GRIN2C: variants seen among roughly 807,000 people sequenced by gnomAD.
The protein encoded by GRIN2C is glutamate receptor ionotropic, NMDA 2C.
A neutral mutation model predicts 77.7 loss-of-function variants in GRIN2C; 64 were observed. The observed-to-expected ratio is 0.82, with a 90% CI of 0.67 to 1.01. The LOEUF (loss-of-function observed/expected upper bound fraction) is 1.01. Among genes scored for constraint, GRIN2C ranks in the 50% least tolerant of loss-of-function variants. The pLI, the probability that GRIN2C is intolerant of heterozygous loss-of-function variation, is 0.00. For synonymous variants in GRIN2C, 792 were observed against 643.4 expected (o/e 1.23, Z -3.49); for missense variants, 1,549 against 1,486.0 (o/e 1.04, Z -0.70).
chr17:74,858,348 G>A (rs1414176366), intron 1 of GRIN2C, among the ~76,000 whole-genome samples: 1 of 136,024 alleles, frequency 7.4e-6, no homozygotes, highest in African/African-American at 2.8e-5. Flanking sequence ...TGGGTTGGGG[G>A]TTGGGGGTCG....
chr17:74,844,278 T>C lies in GRIN2C; in HGVS notation c.2581A>G (p.Arg861Gly), dbSNP rs149021469. 5 of 1,613,566 alleles carry C rather than the reference T, an allele frequency of 3.1e-6. No individual in the cohort carries two copies. The African/African-American group carries it at 6.7e-5, about 22-fold the overall frequency. ...SQLDFLLAFS[R>G]GIYSCFSGVQ... ...TGTGGGGAGGGGTGGGCACCCACCC[T>C]GCTGAAAGCCAGCAGGAAGTCCAGC... Residue 861 changes from arginine (R) to glycine (G), a missense_variant and splice_region_variant, in exon 12 of 13, where the codon AGG becomes GGG. Physicochemically the swap from Arg to Gly is moderately radical, Grantham distance 125. Transcript: ENST00000293190.
Position 74,847,372 on chromosome 17 carries a change from T to G in GRIN2C, c.1937A>C (p.Asn646Thr). The G allele has an allele frequency of 6.3e-7, 1 of 1,589,634 alleles. No individual in the cohort carries two copies. The highest frequency in any genetic ancestry group is 8.6e-7 in the Non-Finnish European group (1 of 1,165,628). The change falls in exon 9 of 13, where the codon AAC becomes ACC. Residue 646 changes from asparagine to threonine, a missense_variant. By Grantham distance (65) the Asn-to-Thr change is moderately conservative (BLOSUM62 0). Around this residue, in one of 3 missense-constraint regions of GRIN2C, gnomAD observed 717 missense variants for 858.1 expected, o/e 0.84. Coordinates refer to ENST00000293190, the MANE Select transcript of GRIN2C (RefSeq NM_000835.6). The surrounding 1 kb of genome is among the most constrained non-coding windows in gnomAD (Gnocchi z 5.2). ...CTCTTGGATCATGAAGGCGGCCAGG[T>G]TGGCCGTGTAGCTGGCGAGGAAGAT... ...AVIFLASYTANLAAFMIQEQY... is the reference protein window; with the variant it reads ...AVIFLASYTATLAAFMIQEQY...
In GRIN2C at chr17:74,856,758, C is replaced by T. The variant is rs532893490; in HGVS notation, c.-15-1651G>A. ...CCTCCCAAAGTGCTGGGATTACAGG[C>T]GTCAGCCACCACACCCAGCTATCTC... is the stretch of plus-strand genomic sequence containing the variant. On this transcript the variant is annotated intron_variant, in intron 1 of 12. Transcript: ENST00000293190. 1.1e-4 allele frequency among the ~76,000 whole-genome samples: 17 copies of T among 152,244 alleles called. No homozygotes were observed. The South Asian group carries it at 3.3e-3, about 30-fold the overall frequency.
At position 74,847,281 on chromosome 17, in the gene GRIN2C, C is replaced by T. The variant is rs746721366; in HGVS notation, c.2001+27G>A. 3.6e-6 allele frequency: 4 copies of T among 1,104,940 alleles called. No homozygotes were observed. In the East Asian group the frequency reaches 7.5e-5, roughly 21 times the overall value. 68.4% of individuals were successfully genotyped at this position (1,104,940 alleles called of 1,614,324 possible). A position where few individuals can be genotyped will look rare whatever the true frequency, so the allele number is the denominator to read the frequency against. On this transcript the variant is annotated intron_variant, in intron 9 of 12. Transcript: ENST00000293190. This position sits in a 1 kb window ranked among gnomAD's most constrained non-coding sequence, Gnocchi z 5.2. ...TGTCCCCACCCTCAGTGCCCCCCCC[C>T]ACCCCCAGCAGCTATGGCCCCACAA...
Position 74,852,254 on chromosome 17 carries a change from GCCA to G in GRIN2C, c.754_756del (p.Trp252del). ...CTGCCCAGCGCCAGGTTGGGCACCA[GCCA>G]CACGTGGCCGGGCCCCACCAGACCG... On this transcript the variant is annotated inframe_deletion, in exon 3 of 13. Coordinates refer to ENST00000293190, the MANE Select transcript of GRIN2C (RefSeq NM_000835.6). 7.1e-7 allele frequency: 1 copy of G among 1,399,696 alleles called. No homozygotes were observed. The highest frequency in any genetic ancestry group is 9.2e-7 in the Non-Finnish European group (1 of 1,081,720). The allele number at this position is 1,399,696 out of a possible 1,614,324, so 86.7% of individuals were successfully genotyped here.
Position 74,842,568 on chromosome 17 carries a change from C to T in GRIN2C, c.3569G>A (p.Arg1190Lys), listed in dbSNP as rs2037318604. 1.3e-6 allele frequency: 1 copy of T among 772,996 alleles called. No homozygotes were observed. Among genetic ancestry groups the T allele is most frequent in the Non-Finnish European group, 2.4e-6 (1 of 416,466 alleles). 47.9% of individuals were successfully genotyped at this position (772,996 alleles called of 1,614,324 possible). A position where few individuals can be genotyped will look rare whatever the true frequency, so the allele number is the denominator to read the frequency against. Residue 1190 changes from arginine (R) to lysine (K), a missense_variant, in exon 13 of 13, where the codon AGG becomes AAG. Physicochemically the swap from Arg to Lys is conservative, Grantham distance 26 (BLOSUM62 2). Coordinates refer to ENST00000293190, the MANE Select transcript of GRIN2C (RefSeq NM_000835.6). ...GAWGPLGHRG[R>K]TLGLGTGYRD... is the part of the protein sequence containing the mutation. Reference sequence around the variant, plus strand: ...GTAGCCTGTGCCCAGCCCCAGAGTCCTGCCCCTGTGCCCCAGAGGCCCCCA... The same window carrying T: ...GTAGCCTGTGCCCAGCCCCAGAGTCTTGCCCCTGTGCCCCAGAGGCCCCCA...
rs762140992 is a variant in GRIN2C, at chr17:74,855,072, C to T, written c.21G>A (p.Pro7=). The stretch of plus-strand genomic sequence containing the variant: ...CGAAGAGCGAGGTGAGCAACAGGGC[C>T]GGCCCCAGGGCCCCACCCATGTCCA... MGGALG[P]ALLLTSLFGA... Residue 7 remains proline, a synonymous_variant, in exon 2 of 13, where the codon CCG becomes CCA. Transcript: ENST00000293190. 1.1e-4 allele frequency: 168 copies of T among 1,591,288 alleles called. No individual in the cohort carries two copies. Among genetic ancestry groups the T allele is most frequent in the East Asian group, 4.5e-5 (2 of 44,786 alleles).
intron 7 of GRIN2C, among the ~76,000 whole-genome samples, chr17:74,848,568 C>T (rs1253025939): frequency 6.6e-6 from 1 of 152,096 alleles, no homozygotes; most frequent in Non-Finnish European, 1.5e-5. Flanking sequence ...GGCATGGTGA[C>T]ACATGCCTGT....
chr17:74,847,045 G>A lies in GRIN2C; in HGVS notation c.2002-125C>T. ...CATAGTCAGAGCAGAAGGTCTTAAA[G>A]GCTGTCCAGGCCACTCCTGTGTTTT... is the stretch of plus-strand genomic sequence containing the variant. On this transcript the variant is annotated intron_variant, in intron 9 of 12. Coordinates refer to ENST00000293190, the MANE Select transcript of GRIN2C (RefSeq NM_000835.6). This position sits in a 1 kb window ranked among gnomAD's most constrained non-coding sequence, Gnocchi z 5.2. 1 of 1,000,478 alleles carries A rather than the reference G, an allele frequency of 1.0e-6. No homozygotes were observed. 62.0% of individuals were successfully genotyped at this position (1,000,478 alleles called of 1,614,324 possible). A position where few individuals can be genotyped will look rare whatever the true frequency, so the allele number is the denominator to read the frequency against.
At chr17:74,851,554 C>A (rs1381154795) in intron 4 of GRIN2C, 23 bp downstream of exon 4, 1 of 1,411,544 alleles carries the variant, frequency 7.1e-7, no homozygotes, top group Non-Finnish European at 9.8e-7. Context: ...CACTGAGGGC[C>A]CCTGGGCTCA....
chr17:74,844,528 A>G lies in GRIN2C; in HGVS notation c.2351-20T>C. Reference sequence around the variant, plus strand: ...TCTCTCCTGGAGTTGGGGGGTGTACACATCTGGCTCAGGAAACCCCCCTAT... The same window carrying G: ...TCTCTCCTGGAGTTGGGGGGTGTACGCATCTGGCTCAGGAAACCCCCCTAT... On this transcript the variant is annotated intron_variant, in intron 11 of 12. Transcript: ENST00000293190. The G allele has an allele frequency of 6.2e-7, 1 of 1,607,980 alleles. No homozygotes were observed. The highest frequency in any genetic ancestry group is 8.5e-7 in the Non-Finnish European group (1 of 1,175,154).
chr17:74,847,739 C>A lies in GRIN2C; in HGVS notation c.1771+113G>T. 1 of 1,095,306 alleles carries A rather than the reference C, an allele frequency of 9.1e-7. No homozygotes were observed. Among genetic ancestry groups the A allele is most frequent in the Non-Finnish European group, 1.3e-6 (1 of 743,490 alleles). The allele number at this position is 1,095,306 out of a possible 1,614,324, so 67.8% of individuals were successfully genotyped here. ...CATCTGACTGGCCCCCAGCATGTGC[C>A]ATCCAAAAGCAAGGGACCTCCCAAA... On this transcript the variant is annotated intron_variant, in intron 8 of 12. Transcript: ENST00000293190. This position sits in a 1 kb window ranked among gnomAD's most constrained non-coding sequence, Gnocchi z 5.2.
chr17:74,846,962 G>C lies in GRIN2C; in HGVS notation c.2002-42C>G, dbSNP rs1198563054. The C allele has an allele frequency of 6.3e-7, 1 of 1,576,376 alleles. No individual in the cohort carries two copies. The highest frequency in any genetic ancestry group is 8.6e-7 in the Non-Finnish European group (1 of 1,160,142). Reference sequence around the variant, plus strand: ...GCAGCCAGTCACAACCCTTCCTCCAGCCTTCCAGGCACCAAAGCCCCAAAC... The same window carrying C: ...GCAGCCAGTCACAACCCTTCCTCCACCCTTCCAGGCACCAAAGCCCCAAAC... On this transcript the variant is annotated intron_variant, in intron 9 of 12. Coordinates refer to ENST00000293190, the MANE Select transcript of GRIN2C (RefSeq NM_000835.6). This position sits in a 1 kb window ranked among gnomAD's most constrained non-coding sequence, Gnocchi z 4.4.
Position 74,849,664 on chromosome 17 carries a change from C to A in GRIN2C, c.1645+116G>T. 2 of 924,830 alleles carry A rather than the reference C, an allele frequency of 2.2e-6. No homozygotes were observed. The highest frequency in any genetic ancestry group is 2.4e-5 in the Admixed American group (1 of 41,542). The allele number at this position is 924,830 out of a possible 1,614,324, so 57.3% of individuals were successfully genotyped here. A position where few individuals can be genotyped will look rare whatever the true frequency, so the allele number is the denominator to read the frequency against. ...TCCAGCCAACCTCCAAGACCCAAGG[C>A]TGCTGTGCTTGGCCTGTGAGAGCCC... On this transcript the variant is annotated intron_variant, in intron 7 of 12. Transcript: ENST00000293190. This position sits in a 1 kb window ranked among gnomAD's most constrained non-coding sequence, Gnocchi z 4.6.
chr17:74,854,255 G>C (rs2037746170), intron 2 of GRIN2C: 2 of 165,732 alleles, frequency 1.2e-5, no homozygotes, highest in South Asian at 3.7e-4. Flanking sequence ...TCTCCCCTGA[G>C]CCCTGCAAGG....
At chr17:74,851,054 C>G (rs2037627362) in intron 4 of GRIN2C, 6 of 511,062 alleles carry the variant, frequency 1.2e-5, no homozygotes, top group Non-Finnish European at 1.8e-5. Flanking sequence ...CAAGGCCCTT[C>G]ATGCTCCAAA....
At position 74,852,306 on chromosome 17, in the gene GRIN2C, C is replaced by T; in HGVS notation, c.705G>A (p.Val235=). The change falls in exon 3 of 13, where the codon GTG becomes GTA. Residue 235 remains valine (V), a synonymous_variant. Transcript: ENST00000293190. ...VAYCSREEAE[V]LFAEAAQAGL... ...CGGCCTGCGCCGCCTCGGCGAAGAG[C>T]ACCTCGGCCTCCTCGCGCGAGCAGT... The T allele has an allele frequency of 6.9e-7, 1 of 1,441,702 alleles. No individual in the cohort carries two copies. 89.3% of individuals were successfully genotyped at this position (1,441,702 alleles called of 1,614,324 possible). A position where few individuals can be genotyped will look rare whatever the true frequency, so the allele number is the denominator to read the frequency against.
upstream of GRIN2C, among the ~76,000 whole-genome samples, chr17:74,860,115 C>T (rs904238840): frequency 4.6e-5 from 7 of 152,098 alleles, no homozygotes; most frequent in Non-Finnish European, 8.8e-5. Flanking sequence ...CCAGGCCCGC[C>T]CGGGGGCCCT....
chr17:74,842,361 A>T lies in GRIN2C; in HGVS notation c.*74T>A. 1.4e-6 allele frequency: 1 copy of T among 703,960 alleles called. No homozygotes were observed. Among genetic ancestry groups the T allele is most frequent in the Non-Finnish European group, 2.6e-6 (1 of 382,360 alleles). 43.6% of individuals were successfully genotyped at this position (703,960 alleles called of 1,614,324 possible). A position where few individuals can be genotyped will look rare whatever the true frequency, so the allele number is the denominator to read the frequency against. On this transcript the variant is annotated 3_prime_UTR_variant, in exon 13 of 13. Transcript: ENST00000293190. ...TCATGGCAGAAGCCAGAAAAGCCCA[A>T]TCCTGCCTGCCGCTTAACCCTGACA...
Sources: gnomAD v4.1 joint callset for allele counts (sites outside exome capture counted in the v4.1 genomes callset) on GRCh38, gnomAD v4.1.1 for gene constraint, gnomAD v4.1.1 regional missense constraint, Gnocchi (gnomAD v3.1) non-coding constraint, MANE v1.5 for transcripts, NCBI Gene and HGNC (gene_info 2026-07-23, HGNC 2026-07-21) for gene names.